Variants in FER observed in about 807,000 individuals in gnomAD.
The protein encoded by FER is tyrosine-protein kinase Fer.
FER carries 63 observed loss-of-function variants against 111.0 expected under a neutral mutation model. The ratio of observed to expected loss-of-function variants is 0.57; its 90% confidence interval spans 0.46 to 0.70. The LOEUF (loss-of-function observed/expected upper bound fraction) is 0.70, where lower values mean the gene tolerates loss of function less well. Ranked by LOEUF, FER falls within the 30% of genes least tolerant of loss-of-function variation. The pLI is 0.00. For synonymous variants in FER, 327 were observed against 313.9 expected, an observed-to-expected ratio of 1.04 and a Z score of -0.44; for missense variants, 914 against 954.0, an observed-to-expected ratio of 0.96 and a Z score of 0.55.
At position 109,126,475 on chromosome 5, in the gene FER, C is replaced by T. The variant is rs560893734; in HGVS notation, c.2048+25956C>T. 2.0e-5 allele frequency among the ~76,000 whole-genome samples: 3 copies of T among 152,218 alleles called. No individual in the cohort carries two copies. The East Asian group carries it at 5.8e-4, about 29-fold the overall frequency. On this transcript the variant is annotated intron_variant, in intron 17 of 19. Transcript: ENST00000281092. Reference sequence around the variant, plus strand: ...TTAGGATCTTGATTTCAGGGCTAGGCCCGTCTAAATCCAAGCATGGTTACA... The same window carrying T: ...TTAGGATCTTGATTTCAGGGCTAGGTCCGTCTAAATCCAAGCATGGTTACA...
At chr5:108,997,603 G>C (rs533982385) in intron 13 of FER, among the ~76,000 whole-genome samples, 53 of 152,152 alleles carry the variant, frequency 3.5e-4, no homozygotes, top group African/African-American at 1.3e-3. Flanking sequence ...GATGAGAGAC[G>C]GGGTCAGGGA....
chr5:109,146,210 T>TTTATA (rs1561953365), intron 17 of FER, among the ~76,000 whole-genome samples: 20 of 95,312 alleles, frequency 2.1e-4, no homozygotes, highest in Non-Finnish European at 4.0e-4. Context: ...TCTATCTATT[T>TTTATA]TATATATATA....
chr5:108,845,275 G>A (rs1213823389), intron 5 of FER, among the ~76,000 whole-genome samples: 5 of 150,826 alleles, frequency 3.3e-5, no homozygotes, highest in South Asian at 2.1e-4. Context: ...AGGTTCAGGC[G>A]ATTCTCCTGG....
At chr5:108,762,878 T>C (rs1027626086) in intron 1 of FER, among the ~76,000 whole-genome samples, 1 of 152,244 alleles carries the variant, frequency 6.6e-6, no homozygotes, top group African/African-American at 2.4e-5. Flanking sequence ...TTCAGGTCTT[T>C]GGTAAATGTC....
At chr5:108,799,756 A>T (rs1217903482) in intron 3 of FER, among the ~76,000 whole-genome samples, 2 of 151,780 alleles carry the variant, frequency 1.3e-5, no homozygotes, top group Non-Finnish European at 2.9e-5. Context: ...GTCACATTTT[A>T]TTTAATCTTC....
At chr5:108,954,976 A>G in intron 12 of FER, 44 bp downstream of exon 12, 1 of 1,473,810 alleles carries the variant, frequency 6.8e-7, no homozygotes, top group Non-Finnish European at 9.3e-7. Flanking sequence ...GATGTAGTTC[A>G]TTGCGGTACA....
In FER at chr5:109,001,538, A is replaced by G. The variant is rs560032946; in HGVS notation, c.1657-35884A>G. 2.6e-5 allele frequency among the ~76,000 whole-genome samples: 4 copies of G among 152,294 alleles called. No homozygotes were observed. In the East Asian group the frequency reaches 7.7e-4, roughly 29 times the overall value. ...CCACTGCCAATATCATACTGAATGT[A>G]CAAAAACTGGAAGCATTCCCTTTGA... is the stretch of plus-strand genomic sequence containing the variant. On this transcript the variant is annotated intron_variant, in intron 13 of 19. Transcript: ENST00000281092.
intron 13 of FER, among the ~76,000 whole-genome samples, chr5:109,024,043 G>T (rs1215776811): frequency 2.0e-5 from 3 of 152,018 alleles, no homozygotes; most frequent in Non-Finnish European, 4.4e-5. Context: ...TCTTTATTTT[G>T]CAGATAAGGA....
chr5:109,058,919 C>T (rs1774015859), intron 16 of FER, among the ~76,000 whole-genome samples: 1 of 150,358 alleles, frequency 6.7e-6, no homozygotes, highest in South Asian at 2.1e-4. Flanking sequence ...TTTTTAGTTT[C>T]ACCAAAAACA....
At chr5:108,960,641 C>G (rs567064801) in intron 13 of FER, among the ~76,000 whole-genome samples, 3 of 152,052 alleles carry the variant, frequency 2.0e-5, no homozygotes, top group African/African-American at 7.2e-5. Flanking sequence ...TTAGTCAAAG[C>G]AATCTATTCT....
chr5:109,127,793 A>G (rs1751905218), intron 17 of FER, among the ~76,000 whole-genome samples: 1 of 152,092 alleles, frequency 6.6e-6, no homozygotes, highest in African/African-American at 2.4e-5. Context: ...GTTCAAACTT[A>G]ATTTTTACAT....
At chr5:108,833,012 T>C in intron 4 of FER, 69 bp downstream of exon 4, 1 of 1,397,572 alleles carries the variant, frequency 7.2e-7, no homozygotes, top group South Asian at 1.5e-5. Flanking sequence ...TTTTACCTTA[T>C]TTGGCTTTAA....
chr5:109,165,218 C>T (rs968228661), intron 17 of FER, among the ~76,000 whole-genome samples: 4 of 152,092 alleles, frequency 2.6e-5, no homozygotes, highest in Non-Finnish European at 5.9e-5. Context: ...TTGTCAATCA[C>T]ATGTTACTAC....
intron 5 of FER, among the ~76,000 whole-genome samples, chr5:108,853,333 T>C (rs532801765): frequency 6.6e-6 from 1 of 152,318 alleles, no homozygotes; most frequent in East Asian, 1.9e-4. Context: ...TAACAATACA[T>C]ACAAAAATCC....
intron 3 of FER, among the ~76,000 whole-genome samples, chr5:108,799,135 T>C (rs1252196645): frequency 6.6e-6 from 1 of 152,226 alleles, no homozygotes; most frequent in Non-Finnish European, 1.5e-5. Flanking sequence ...AGTATATTGT[T>C]GAGTTAGTCA....
At chr5:108,995,928 TTG>T (rs148616765) in intron 13 of FER, among the ~76,000 whole-genome samples, 17,548 of 152,230 alleles carry the variant, frequency 0.12, 1,090 homozygotes, top group Middle Eastern at 0.16. Context: ...CCAGCATCTG[TTG>T]TTTCCTGACT....
intron 2 of FER, among the ~76,000 whole-genome samples, chr5:108,769,248 A>G (rs1327912616): frequency 6.6e-6 from 1 of 152,158 alleles, no homozygotes; most frequent in Non-Finnish European, 1.5e-5. Context: ...GATGAGACCT[A>G]TTATATGAGA....
intron 4 of FER, among the ~76,000 whole-genome samples, chr5:108,833,984 T>C (rs1166591467): frequency 1.4e-5 from 2 of 144,156 alleles, no homozygotes; most frequent in Non-Finnish European, 3.1e-5. Flanking sequence ...AATGTTTTTT[T>C]ATAGTTGGTT....
In FER at chr5:108,949,065, CTT is replaced by C. The variant is rs1757380386; in HGVS notation, c.1329+2844_1329+2845del. ...AATATTAGAAAATAAAAATTGCTTC[CTT>C]CATATAGAATAATATTGTAAGTAAG... On this transcript the variant is annotated intron_variant, in intron 11 of 19. Transcript: ENST00000281092. Among the ~76,000 whole-genome samples, 3 of 152,078 alleles carry C rather than the reference CTT, an allele frequency of 2.0e-5. No individual in the cohort carries two copies. The East Asian group carries it at 5.8e-4, about 29-fold the overall frequency.
Sources: allele counts gnomAD v4.1 joint callset (sites outside exome capture counted in the v4.1 genomes callset), GRCh38; gene constraint gnomAD v4.1.1; transcripts MANE v1.5; gene names NCBI Gene and HGNC (gene_info 2026-07-23, HGNC 2026-07-21).